DMD: variants seen among roughly 807,000 people sequenced by gnomAD.
DMD encodes the protein dystrophin, also known as mutant dystrophin.
A neutral mutation model predicts 330.1 loss-of-function variants in DMD; 63 were observed. The observed-to-expected ratio is 0.19, with a 90% confidence interval of 0.16 to 0.24. DMD has a LOEUF of 0.24. DMD is among the 10% of genes least tolerant of loss of function. The probability of loss-of-function intolerance (pLI) is 1.00; values close to 1 mark genes in which losing one functional copy is unlikely to be tolerated. For synonymous variants in DMD, 1,223 were observed against 959.8 expected (o/e 1.27, Z -5.07); for missense variants, 3,344 against 2,684.1 (o/e 1.25, Z -5.43).
chrX:32,417,417 A>T (rs1202996341), intron 29 of DMD, among the ~76,000 whole-genome samples: 1 of 111,500 alleles, frequency 9.0e-6, no homozygotes, highest in Non-Finnish European at 1.9e-5. Flanking sequence ...GAGCTCCAAG[A>T]CCACTGATCA....
At chrX:32,258,181 T>C (rs1038945123) in intron 43 of DMD, among the ~76,000 whole-genome samples, 1 of 111,370 alleles carries the variant, frequency 9.0e-6, no homozygotes, top group Non-Finnish European at 1.9e-5. Flanking sequence ...CTGGAGAGGA[T>C]GTGGAGAAAA....
intron 55 of DMD, among the ~76,000 whole-genome samples, chrX:31,579,232 G>A (rs765360892): frequency 8.9e-6 from 1 of 112,377 alleles, no homozygotes; most frequent in East Asian, 2.8e-4. Flanking sequence ...CTCAGCTTAA[G>A]CCAGAAGACA....
At chrX:32,292,994 G>A (rs1035256036) in intron 42 of DMD, among the ~76,000 whole-genome samples, 1 of 112,423 alleles carries the variant, frequency 8.9e-6, no homozygotes, top group African/African-American at 3.2e-5. Context: ...AGAGAAAGAA[G>A]GTGTTTTTAA....
intron 17 of DMD, among the ~76,000 whole-genome samples, chrX:32,519,570 T>C (rs2046225809): frequency 8.9e-6 from 1 of 111,956 alleles, no homozygotes; most frequent in South Asian, 3.7e-4. Flanking sequence ...TGGTTTATAA[T>C]ACTTTCATTG....
chrX:33,137,416 G>T (rs1265407054), intron 1 of DMD, among the ~76,000 whole-genome samples: 1 of 111,742 alleles, frequency 8.9e-6, no homozygotes, highest in African/African-American at 3.3e-5. Flanking sequence ...CACTAGGAAC[G>T]GACAAATTAG....
At chrX:31,838,683 C>T (rs944293477) in intron 48 of DMD, among the ~76,000 whole-genome samples, 1 of 111,592 alleles carries the variant, frequency 9.0e-6, no homozygotes, top group Admixed American at 9.5e-5. Context: ...GCATAGTTAC[C>T]ATTCGTATAA....
intron 1 of DMD, among the ~76,000 whole-genome samples, chrX:33,063,058 TAATAG>T (rs1311710185): frequency 8.9e-6 from 1 of 112,048 alleles, no homozygotes; most frequent in Non-Finnish European, 1.9e-5. Flanking sequence ...AATTTCTACT[TAATAG>T]AATATATACT....
rs767188109 is a variant in DMD, at chrX:32,518,480, G to GAA, written c.2169-351_2169-350dup. ...TTTTCTTTTTGGAAAGTATTTATGA[G>GAA]AAAAAAAAAATTCCTGTTGGTGGTC... is the stretch of plus-strand genomic sequence containing the variant. On this transcript the variant is annotated intron_variant, in intron 17 of 78. Coordinates refer to ENST00000357033, the MANE Select transcript of DMD (RefSeq NM_004006.3). Among the ~76,000 whole-genome samples the GAA allele has an allele frequency of 3.8e-3, 407 of 106,600 alleles. 1 individual carries two copies. Among genetic ancestry groups the GAA allele is most frequent in the African/African-American group, 0.013 (392 of 29,240 alleles). 92.6% of individuals were successfully genotyped at this position (106,600 alleles called of 115,157 possible). A position where few individuals can be genotyped will look rare whatever the true frequency, so the allele number is the denominator to read the frequency against.
chrX:33,135,298 C>T (rs914735980), intron 1 of DMD, among the ~76,000 whole-genome samples: 5 of 112,075 alleles, frequency 4.5e-5, no homozygotes, highest in African/African-American at 1.3e-4. Flanking sequence ...ACAAAGCAAA[C>T]ATCTACTTCA....
At chrX:32,262,865 C>T (rs1026280105) in intron 43 of DMD, among the ~76,000 whole-genome samples, 7 of 111,765 alleles carry the variant, frequency 6.3e-5, no homozygotes, top group Admixed American at 9.5e-5. Flanking sequence ...TTGCTTCATA[C>T]GGTAATACTC....
At chrX:31,320,956 T>C (rs1275457698) in intron 62 of DMD, among the ~76,000 whole-genome samples, 1 of 111,343 alleles carries the variant, frequency 9.0e-6, no homozygotes, top group Non-Finnish European at 1.9e-5. Context: ...TTGTTCTCTC[T>C]CTCTTATCAT....
Position 31,925,786 on chromosome X carries a change from C to A in DMD, c.6912+3810G>T, listed in dbSNP as rs181984981. The stretch of plus-strand genomic sequence containing the variant: ...ACTCGGGAAGCTGAGGCAGGAGAAT[C>A]GCTTGAACCCAGGAGACAGAGGTTG... On this transcript the variant is annotated intron_variant, in intron 47 of 78. Coordinates refer to ENST00000357033, the MANE Select transcript of DMD (RefSeq NM_004006.3). 3.7e-4 allele frequency among the ~76,000 whole-genome samples: 39 copies of A among 106,784 alleles called. No individual in the cohort carries two copies. The East Asian group carries it at 9.1e-3, about 25-fold the overall frequency. The allele number at this position is 106,784 out of a possible 115,157, so 92.7% of individuals were successfully genotyped here. A position where few individuals can be genotyped will look rare whatever the true frequency, so the allele number is the denominator to read the frequency against.
At chrX:31,751,255 G>T (rs1364140271) in intron 51 of DMD, among the ~76,000 whole-genome samples, 1 of 111,215 alleles carries the variant, frequency 9.0e-6, no homozygotes, top group Admixed American at 9.6e-5. Flanking sequence ...TATACTAAAG[G>T]ATAGCATTTG....
At chrX:32,317,760 G>A (rs1569557372) in intron 41 of DMD, among the ~76,000 whole-genome samples, 1 of 108,850 alleles carries the variant, frequency 9.2e-6, no homozygotes, top group Non-Finnish European at 1.9e-5. Flanking sequence ...TATGGCACAT[G>A]AAAAATATAT....
At chrX:32,432,767 ATTACT>A (rs1445638558) in intron 29 of DMD, among the ~76,000 whole-genome samples, 2 of 112,146 alleles carry the variant, frequency 1.8e-5, no homozygotes, top group East Asian at 2.8e-4. Context: ...ATTTTCCTAG[ATTACT>A]TTATAGTCTT....
intron 18 of DMD, chrX:32,516,863 T>C (rs180865477): frequency 4.7e-4 from 53 of 111,969 alleles, no homozygotes; most frequent in African/African-American, 1.6e-3. Context: ...CTTGAAACAA[T>C]TTAGAATAGT....
chrX:32,593,490 T>C (rs2055168614), intron 13 of DMD, among the ~76,000 whole-genome samples: 1 of 111,854 alleles, frequency 8.9e-6, no homozygotes, highest in South Asian at 3.8e-4. Flanking sequence ...ATAGTGACCA[T>C]GGATGACAAG....
At chrX:31,432,521 C>T (rs186459354) in intron 60 of DMD, among the ~76,000 whole-genome samples, 95 of 112,533 alleles carry the variant, frequency 8.4e-4, no homozygotes, top group African/African-American at 2.9e-3. Context: ...GTTTCACAGA[C>T]CTTATCTCAT....
intron 1 of DMD, among the ~76,000 whole-genome samples, chrX:33,190,978 TTA>T (rs1557292481): frequency 6.6e-4 from 1 of 1,518 alleles, no homozygotes; most frequent in African/African-American, 2.0e-3. Flanking sequence ...ATATATAATA[TTA>T]TATATATATA....
Sources: gnomAD v4.1 joint callset for allele counts (sites outside exome capture counted in the v4.1 genomes callset) on GRCh38, gnomAD v4.1.1 for gene constraint, MANE v1.5 for transcripts, NCBI Gene and HGNC (gene_info 2026-07-23, HGNC 2026-07-21) for gene names.